Variants in FCSK observed in about 807,000 individuals in gnomAD.
FCSK encodes the protein fucose kinase.
A neutral mutation model predicts 122.5 loss-of-function variants in FCSK; 123 were observed. That is an observed-to-expected ratio of 1.00 (90% CI 0.87 to 1.17). FCSK has a LOEUF of 1.17. FCSK is among the 50% of genes most tolerant of loss of function. The probability of loss-of-function intolerance (pLI) is 0.00; values close to 1 mark genes in which losing one functional copy is unlikely to be tolerated. For synonymous variants in FCSK, 620 were observed against 625.5 expected (o/e 0.99, Z 0.13); for missense variants, 1,366 against 1,450.4 (o/e 0.94, Z 0.95).
At position 70,479,727 on chromosome 16, in the gene FCSK, C is replaced by T. The variant is rs1333193020; in HGVS notation, c.*47C>T. ...GGAGAAAACCTGGAGCTACAGTGTCCCCCACCTTCCTTGCCCCATGGGAAC... is the reference window on the plus strand; with the variant it reads ...GGAGAAAACCTGGAGCTACAGTGTCTCCCACCTTCCTTGCCCCATGGGAAC... On this transcript the variant is annotated 3_prime_UTR_variant, in exon 24 of 24. Coordinates refer to ENST00000288078, the MANE Select transcript of FCSK (RefSeq NM_145059.3). 2.7e-6 allele frequency: 4 copies of T among 1,478,714 alleles called. No homozygotes were observed. In the African/African-American group the frequency reaches 5.5e-5, roughly 20 times the overall value. 91.6% of individuals were successfully genotyped at this position (1,478,714 alleles called of 1,614,324 possible). A position where few individuals can be genotyped will look rare whatever the true frequency, so the allele number is the denominator to read the frequency against.
intron 6 of FCSK, 61 bp downstream of exon 6, chr16:70,467,015 C>T (rs1422504750): frequency 6.6e-7 from 1 of 1,509,366 alleles, no homozygotes; most frequent in Non-Finnish European, 9.2e-7. Flanking sequence ...GAAGCCAGCT[C>T]TGCCCTTCTT....
intron 1 of FCSK, chr16:70,462,066 C>A (rs949686717): frequency 6.6e-6 from 1 of 152,252 alleles, no homozygotes; most frequent in East Asian, 1.9e-4. Flanking sequence ...CAGATATGTA[C>A]AATGACTTGG....
chr16:70,467,961 C>T lies in FCSK; in HGVS notation c.658C>T (p.Pro220Ser). The T allele has an allele frequency of 6.2e-7, 1 of 1,613,620 alleles. No individual in the cohort carries two copies. The highest frequency in any genetic ancestry group is 8.5e-7 in the Non-Finnish European group (1 of 1,179,516). Residue 220 changes from proline (P) to serine (S), a missense_variant, in exon 8 of 24, where the codon CCA becomes TCA. Physicochemically the swap from Pro to Ser is moderately conservative, Grantham distance 74 (BLOSUM62 -1). Transcript: ENST00000288078. ...GTGTGTCAGGCCTGATGGGCGGGTG[C>T]CACTGGTATGGCTGCTGGGCCCAGG... ...QRCVRPDGRV[P>S]LVSGVVFFSV... is the part of the protein sequence containing the mutation.
At chr16:70,471,159 A>G (rs202138807) in intron 12 of FCSK, 23 bp from the exon 13 acceptor site, 30 of 1,596,074 alleles carry the variant, frequency 1.9e-5, no homozygotes, top group Non-Finnish European at 2.3e-5. Context: ...CCCACCCAGG[A>G]TGCCTGCCCT....
At position 70,479,678 on chromosome 16, in the gene FCSK, T is replaced by G. The variant is rs770015143; in HGVS notation, c.3253T>G (p.Ter1085GlyextTer42). The G allele has an allele frequency of 4.3e-6, 7 of 1,613,400 alleles. No individual in the cohort carries two copies. The highest frequency in any genetic ancestry group is 5.9e-6 in the Non-Finnish European group (7 of 1,179,524). ...GGCCTCAACCTGTTGCCCTTTCCCA[T>G]GAAGCTGGCTTCTCTCTGCAACAGG... ...TEASTCCPFP[*>G] is the part of the protein sequence containing the mutation. Residue 1085 changes from the stop codon to glycine, a stop_lost, in exon 24 of 24, where the codon TGA becomes GGA. Coordinates refer to ENST00000288078, the MANE Select transcript of FCSK (RefSeq NM_145059.3).
chr16:70,475,531 A>G, intron 19 of FCSK, 38 bp downstream of exon 19: 2 of 1,598,018 alleles, frequency 1.3e-6, no homozygotes, highest in Non-Finnish European at 1.7e-6. Context: ...ACCGACTGTT[A>G]CAGCCCTCCA....
At chr16:70,466,040 C>T (rs1162193526) in intron 4 of FCSK, 92 bp from the exon 5 acceptor site, 2 of 1,302,580 alleles carry the variant, frequency 1.5e-6, no homozygotes, top group East Asian at 2.3e-5. Flanking sequence ...TTTTTATCAG[C>T]CCTCCACTGG....
In FCSK at chr16:70,479,981, A is replaced by G. The variant is rs2048947080; in HGVS notation, c.*301A>G. 3.8e-6 allele frequency: 1 copy of G among 264,246 alleles called. No homozygotes were observed. Among genetic ancestry groups the G allele is most frequent in the Admixed American group, 4.8e-5 (1 of 20,872 alleles). The allele number at this position is 264,246 out of a possible 1,614,324, so 16.4% of individuals were successfully genotyped here. On this transcript the variant is annotated 3_prime_UTR_variant, in exon 24 of 24. Coordinates refer to ENST00000288078, the MANE Select transcript of FCSK (RefSeq NM_145059.3). ...TTCTCATTCCACAAGGGCCCTGGAA[A>G]GGGTTGACAGCCAGCCTTGGCATAT...
At chr16:70,463,487 G>A in intron 2 of FCSK, 136 bp from the exon 3 acceptor site, 4 of 1,169,138 alleles carry the variant, frequency 3.4e-6, no homozygotes, top group East Asian at 2.4e-5. Flanking sequence ...ACTAAGTTGG[G>A]TGAAGATCTA....
At chr16:70,475,081 C>A in intron 18 of FCSK, 70 bp downstream of exon 18, 1 of 1,409,538 alleles carries the variant, frequency 7.1e-7, no homozygotes, top group Non-Finnish European at 9.6e-7. Context: ...CTAGAGACTG[C>A]AGGCCAGTGG....
At chr16:70,461,556 A>C (rs2048264572) in intron 1 of FCSK, among the ~76,000 whole-genome samples, 1 of 152,100 alleles carries the variant, frequency 6.6e-6, no homozygotes, top group Non-Finnish European at 1.5e-5. Context: ...GTAGGGCTGC[A>C]GCCCCCGCTG....
At chr16:70,467,661 C>T in intron 7 of FCSK, 190 bp downstream of exon 7, 1 of 633,018 alleles carries the variant, frequency 1.6e-6, no homozygotes, top group Non-Finnish European at 2.8e-6. Flanking sequence ...ACACCGACCG[C>T]CTGTCCAGTC....
intron 1 of FCSK, chr16:70,458,047 A>C (rs2048144881): frequency 6.7e-6 from 1 of 149,486 alleles, no homozygotes; most frequent in African/African-American, 2.5e-5. Flanking sequence ...AATAATACTT[A>C]TCTTGCAGGG....
At chr16:70,465,015 C>T (rs769494887) in intron 3 of FCSK, 111 bp from the exon 4 acceptor site, 3 of 1,559,388 alleles carry the variant, frequency 1.9e-6, no homozygotes, top group Non-Finnish European at 2.6e-6. Flanking sequence ...GCCTTTTGTC[C>T]CTTGGGTACC....
chr16:70,458,668 G>A (rs988781546), intron 1 of FCSK, among the ~76,000 whole-genome samples: 7 of 149,886 alleles, frequency 4.7e-5, no homozygotes, highest in African/African-American at 1.7e-4. Context: ...GGCTGGTCTC[G>A]AACTCCTGAC....
chr16:70,463,634 C>T lies in FCSK; in HGVS notation c.94C>T (p.Arg32Trp), dbSNP rs779016102. 8 of 1,613,470 alleles carry T rather than the reference C, an allele frequency of 5.0e-6. No individual in the cohort carries two copies. The highest frequency in any genetic ancestry group is 2.7e-5 in the African/African-American group (2 of 75,022). ...TCTTCTGACCCTAGAACTGGAAGTG[C>T]GGCAGAAGCGGGAGCAGATCCCTGC... ...VQVFQRELEV[R>W]QKREQIPAGT... The change falls in exon 3 of 24, where the codon CGG becomes TGG. Residue 32 changes from arginine to tryptophan, a missense_variant. Physicochemically the swap from Arg to Trp is moderately radical, Grantham distance 101. Transcript: ENST00000288078.
Position 70,474,099 on chromosome 16 carries a change from C to T in FCSK, c.1778-30C>T, listed in dbSNP as rs568846596. 3.1e-5 allele frequency: 48 copies of T among 1,543,870 alleles called. No homozygotes were observed. In the African/African-American group the frequency reaches 6.3e-4, roughly 20 times the overall value. ...GAGGATTTTGAAGACAGGCCTCCTC[C>T]CCTGCCACCCCCAACTCCTTGTCCC... is the stretch of plus-strand genomic sequence containing the variant. On this transcript the variant is annotated intron_variant, in intron 15 of 23. Coordinates refer to ENST00000288078, the MANE Select transcript of FCSK (RefSeq NM_145059.3).
At chr16:70,478,065 G>A in intron 20 of FCSK, 1 of 582,966 alleles carries the variant, frequency 1.7e-6, no homozygotes, top group Non-Finnish European at 3.0e-6. Context: ...CAGGCCTTGG[G>A]AATTCCAAGC....
At chr16:70,467,284 C>T (rs180693403) in intron 6 of FCSK, 90 bp from the exon 7 acceptor site, 91 of 857,758 alleles carry the variant, frequency 1.1e-4, no homozygotes, top group African/African-American at 8.7e-4. Context: ...GCCCAGGTGC[C>T]GCAGCCCTGG....
Sources: allele counts gnomAD v4.1 joint callset (sites outside exome capture counted in the v4.1 genomes callset), GRCh38; gene constraint gnomAD v4.1.1; transcripts MANE v1.5; gene names NCBI Gene and HGNC (gene_info 2026-07-23, HGNC 2026-07-21).